The following MAST4 variants were observed in gnomAD, a reference collection of about 807,000 sequenced individuals.
The protein encoded by MAST4 is microtubule-associated serine/threonine-protein kinase 4.
In MAST4, 89 loss-of-function variants were observed where a neutral mutation model predicts 162.7. That is an observed-to-expected ratio of 0.55 (90% CI 0.46 to 0.65). MAST4 has a LOEUF of 0.65. MAST4 is among the 30% of genes least tolerant of loss of function. MAST4 has a pLI of 0.00. For missense variants in MAST4, 3,153 were observed against 3,374.0 expected, an observed-to-expected ratio of 0.93 and a Z score of 1.62; for synonymous variants, 1,479 against 1,361.1, an observed-to-expected ratio of 1.09 and a Z score of -1.91.
intron 4 of MAST4, among the ~76,000 whole-genome samples, chr5:67,044,169 T>C (rs997141345): frequency 3.3e-5 from 5 of 152,238 alleles, no homozygotes; most frequent in African/African-American, 1.2e-4. Flanking sequence ...TACTGGCCTT[T>C]CCAGTACTCT....
At chr5:67,144,539 T>C (rs1770824854) in intron 21 of MAST4, 130 bp from the exon 22 acceptor site, 1 of 900,388 alleles carries the variant, frequency 1.1e-6, no homozygotes, top group Non-Finnish European at 1.7e-6. Context: ...CACTGGAAAG[T>C]ACTTTCTGAA....
intron 5 of MAST4, among the ~76,000 whole-genome samples, chr5:67,074,460 TAATCAGAAAA>T (rs1761357664): frequency 6.6e-6 from 1 of 152,176 alleles, no homozygotes; most frequent in Non-Finnish European, 1.5e-5. Context: ...TTTAAGGAAA[TAATCAGAAAA>T]GTACTCAAAT....
intron 2 of MAST4, among the ~76,000 whole-genome samples, chr5:66,765,650 T>C (rs771444618): frequency 7.9e-5 from 12 of 152,300 alleles, no homozygotes; most frequent in Non-Finnish European, 1.2e-4. Flanking sequence ...ATAAAATATT[T>C]TATTTAACTA....
chr5:67,002,086 C>G (rs1358877075), intron 4 of MAST4: 1 of 151,922 alleles, frequency 6.6e-6, no homozygotes, highest in African/African-American at 2.4e-5. Context: ...TCTGGGCTTG[C>G]CTTTGAGGAG....
chr5:66,830,086 C>T (rs187835107), intron 3 of MAST4, among the ~76,000 whole-genome samples: 50 of 152,272 alleles, frequency 3.3e-4, no homozygotes, highest in Admixed American at 7.9e-4. Flanking sequence ...TTTGTGTCCA[C>T]GTCCTCTTTG....
chr5:67,100,401 G>A (rs917432156), intron 7 of MAST4, 34 bp from the exon 8 acceptor site: 4 of 1,611,758 alleles, frequency 2.5e-6, no homozygotes, highest in African/African-American at 2.7e-5. Flanking sequence ...TTCTTTCTGA[G>A]GTAGTTATGT....
intron 1 of MAST4, among the ~76,000 whole-genome samples, chr5:66,608,612 C>G (rs545208899): frequency 6.6e-6 from 1 of 152,050 alleles, no homozygotes; most frequent in Non-Finnish European, 1.5e-5. Context: ...AGGAGTTTGA[C>G]TCCAGAGGAC....
intron 1 of MAST4, among the ~76,000 whole-genome samples, chr5:66,703,084 C>T (rs564165057): frequency 3.8e-4 from 58 of 152,234 alleles, no homozygotes; most frequent in African/African-American, 1.1e-3. Flanking sequence ...CCTCCCCTGA[C>T]GAGGTGGCTG....
At chr5:66,831,394 C>T (rs550366246) in intron 3 of MAST4, among the ~76,000 whole-genome samples, 5 of 152,060 alleles carry the variant, frequency 3.3e-5, no homozygotes, top group Admixed American at 1.3e-4. Context: ...TAACTTAAAG[C>T]CCAGTGTCAA....
rs1362894461 is a variant in MAST4, at chr5:67,163,012, G to A, written c.3968-135G>A. On this transcript the variant is annotated intron_variant, in intron 28 of 28. Transcript: ENST00000403625. The surrounding 1 kb of genome is among the most constrained non-coding windows in gnomAD (Gnocchi z 7.0). ...GCCTGGAGAGGTTTATCTGAAAAGT[G>A]TTTATTCCACTAGCTAAATGCTGAG... 95 of 1,146,150 alleles carry A rather than the reference G, an allele frequency of 8.3e-5. No homozygotes were observed. Among genetic ancestry groups the A allele is most frequent in the Non-Finnish European group, 1.1e-4 (85 of 808,108 alleles). The allele number at this position is 1,146,150 out of a possible 1,614,324, so 71.0% of individuals were successfully genotyped here. A position where few individuals can be genotyped will look rare whatever the true frequency, so the allele number is the denominator to read the frequency against.
Position 67,164,495 on chromosome 5 carries a change from T to A in MAST4, c.5316T>A (p.Pro1772=). 3 of 1,613,994 alleles carry A rather than the reference T, an allele frequency of 1.9e-6. No homozygotes were observed. The highest frequency in any genetic ancestry group is 2.5e-6 in the Non-Finnish European group (3 of 1,179,874). ...TGRVDSGTEK[P]GLVAPESPVR... ...GGGTGGACAGTGGAACGGAGAAGCC[T>A]GGCTTGGTTGCTCCTGAGTCCCCTG... The change falls in exon 29 of 29, where the codon CCT becomes CCA. Residue 1772 remains proline (P), a synonymous_variant. Transcript: ENST00000403625. This position sits in a 1 kb window ranked among gnomAD's most constrained non-coding sequence, Gnocchi z 5.3.
intron 1 of MAST4, among the ~76,000 whole-genome samples, chr5:66,613,108 G>T (rs991403648): frequency 6.6e-6 from 1 of 152,010 alleles, no homozygotes; most frequent in Non-Finnish European, 1.5e-5. Flanking sequence ...ATAGAGACAG[G>T]GTCTTGCTGT....
intron 1 of MAST4, among the ~76,000 whole-genome samples, chr5:66,699,252 C>T (rs758147517): frequency 6.6e-6 from 1 of 152,206 alleles, no homozygotes; most frequent in Non-Finnish European, 1.5e-5. Flanking sequence ...CTTATAGTCA[C>T]ACCATCTTAT....
chr5:66,766,272 G>A (rs1010723496), intron 2 of MAST4, among the ~76,000 whole-genome samples: 1 of 151,840 alleles, frequency 6.6e-6, no homozygotes, highest in Non-Finnish European at 1.5e-5. Context: ...AGAGAGTTGT[G>A]TTTTTTTTCC....
chr5:66,832,144 C>T (rs1331600311), intron 3 of MAST4, among the ~76,000 whole-genome samples: 1 of 152,102 alleles, frequency 6.6e-6, no homozygotes, highest in East Asian at 1.9e-4. Flanking sequence ...GATGCCTTTC[C>T]TGCCATCCTC....
chr5:66,673,789 AGGCT>A (rs1747780569), intron 1 of MAST4, among the ~76,000 whole-genome samples: 1 of 152,182 alleles, frequency 6.6e-6, no homozygotes, highest in Non-Finnish European at 1.5e-5. Context: ...CACCTTGCCT[AGGCT>A]AGATTTTTTT....
chr5:66,690,217 A>T (rs1748951276), intron 1 of MAST4, among the ~76,000 whole-genome samples: 1 of 152,154 alleles, frequency 6.6e-6, no homozygotes, highest in African/African-American at 2.4e-5. Context: ...TTTGCCGCAG[A>T]GAATTGTTAA....
Position 66,859,198 on chromosome 5 carries a change from A to T in MAST4, c.643-40753A>T, listed in dbSNP as rs910126438. Among the ~76,000 whole-genome samples, 3 of 151,974 alleles carry T rather than the reference A, an allele frequency of 2.0e-5. 1 individual carries two copies. The East Asian group carries it at 5.8e-4, about 29-fold the overall frequency. On this transcript the variant is annotated intron_variant, in intron 3 of 28. Transcript: ENST00000403625. ...AAATCACAGCAATATAACGCTTCTT[A>T]TTTTGTTGTGCAGCATGAGAATTAA...
chr5:66,876,951 G>T (rs1231335065), intron 3 of MAST4, among the ~76,000 whole-genome samples: 2 of 152,164 alleles, frequency 1.3e-5, no homozygotes, highest in Non-Finnish European at 2.9e-5. Flanking sequence ...AATCAATTCT[G>T]CAGTATCATA....
Sources: gnomAD v4.1 joint callset for allele counts (sites outside exome capture counted in the v4.1 genomes callset) on GRCh38, gnomAD v4.1.1 for gene constraint, Gnocchi (gnomAD v3.1) non-coding constraint, MANE v1.5 for transcripts, NCBI Gene and HGNC (gene_info 2026-07-23, HGNC 2026-07-21) for gene names.